The following MTBP variants were observed in gnomAD, a reference collection of about 807,000 sequenced individuals.
MTBP encodes MDM2 binding protein, also known as mdm2-binding protein.
MTBP carries 101 observed loss-of-function variants against 117.0 expected under a neutral mutation model. That is an observed-to-expected ratio of 0.86 (90% CI 0.73 to 1.02). MTBP has a LOEUF of 1.02. Among genes scored for constraint, MTBP ranks in the 50% least tolerant of loss-of-function variants. The pLI is 0.00. For missense variants in MTBP, 970 were observed against 1,030.9 expected, an observed-to-expected ratio of 0.94 and a Z score of 0.81; for synonymous variants, 350 against 351.5, an observed-to-expected ratio of 1.00 and a Z score of 0.05.
At position 120,461,160 on chromosome 8, in the gene MTBP, G is replaced by C. The variant is rs143183029; in HGVS notation, c.883-1G>C. The C allele has an allele frequency of 1.3e-6, 2 of 1,564,210 alleles. No homozygotes were observed. Among genetic ancestry groups the C allele is most frequent in the South Asian group, 1.1e-5 (1 of 89,398 alleles). ...TTACACAATTTTAATTTCTTTTCTA[G>C]GTTTTCCATTATTATGGCCCTGCTT... On this transcript the variant is annotated splice_acceptor_variant, in intron 8 of 21. Coordinates refer to ENST00000305949, the MANE Select transcript of MTBP (RefSeq NM_022045.5). LOFTEE classifies it high-confidence loss of function.
chr8:120,488,142 T>C lies in MTBP; in HGVS notation c.1166-17T>C. On this transcript the variant is annotated splice_polypyrimidine_tract_variant and intron_variant, in intron 11 of 21. Coordinates refer to ENST00000305949, the MANE Select transcript of MTBP (RefSeq NM_022045.5). ...CTGAATTTTCACATACTTAACAAGA[T>C]AATTGTTTTTGTTTAGTTCCAGATG... 1 of 1,570,008 alleles carries C rather than the reference T, an allele frequency of 6.4e-7. No homozygotes were observed. Among genetic ancestry groups the C allele is most frequent in the Middle Eastern group, 1.7e-4 (1 of 5,982 alleles).
At chr8:120,480,473 G>T (rs996000595) in intron 11 of MTBP, among the ~76,000 whole-genome samples, 1 of 151,972 alleles carries the variant, frequency 6.6e-6, no homozygotes, top group African/African-American at 2.4e-5. Context: ...AAAGCAACTA[G>T]AATGGCCAGA....
chr8:120,457,944 T>C lies in MTBP; in HGVS notation c.748-1271T>C, dbSNP rs573249397. On this transcript the variant is annotated intron_variant, in intron 7 of 21. Coordinates refer to ENST00000305949, the MANE Select transcript of MTBP (RefSeq NM_022045.5). ...CTGCGTGACAGAGTGAGACTCCGTCTCAAGAAAAAAAAAAAAAACCCAAAA... is the reference window on the plus strand; with the variant it reads ...CTGCGTGACAGAGTGAGACTCCGTCCCAAGAAAAAAAAAAAAAACCCAAAA... Among the ~76,000 whole-genome samples the C allele has an allele frequency of 2.2e-4, 25 of 111,570 alleles. No homozygotes were observed. In the South Asian group the frequency reaches 6.5e-3, roughly 29 times the overall value. The allele number at this position is 111,570 out of a possible 152,430, so 73.2% of individuals were successfully genotyped here. A position where few individuals can be genotyped will look rare whatever the true frequency, so the allele number is the denominator to read the frequency against.
At chr8:120,477,271 A>G (rs1257163303) in intron 11 of MTBP, among the ~76,000 whole-genome samples, 1 of 152,246 alleles carries the variant, frequency 6.6e-6, no homozygotes, top group Non-Finnish European at 1.5e-5. Context: ...TTAAAGACTT[A>G]CACATAAGAC....
chr8:120,506,757 T>C lies in MTBP; in HGVS notation c.1779T>C (p.Gly593=), dbSNP rs201816784. The part of the protein sequence containing the change: ...SSEQLLGHKE[G]PRDSITLLDA... ...AACAGTTGCTGGGCCACAAAGAGGG[T>C]CCTCGGGACTCAATCACATTGTTGG... Residue 593 remains glycine, a synonymous_variant, in exon 16 of 22, where the codon GGT becomes GGC. Transcript: ENST00000305949. 3.1e-6 allele frequency: 5 copies of C among 1,613,118 alleles called. No individual in the cohort carries two copies. In the South Asian group the frequency reaches 5.5e-5, roughly 18 times the overall value.
intron 6 of MTBP, 126 bp from the exon 7 acceptor site, chr8:120,456,427 A>G (rs1813468747): frequency 3.4e-6 from 2 of 594,578 alleles, no homozygotes; most frequent in Admixed American, 6.2e-5. Context: ...GGTGTTTCAT[A>G]TTAATAGGAA....
chr8:120,483,310 T>C (rs745816723), intron 11 of MTBP, among the ~76,000 whole-genome samples: 188 of 152,236 alleles, frequency 1.2e-3, no homozygotes, highest in Middle Eastern at 3.4e-3. Flanking sequence ...GATGCCTACA[T>C]TGGAAACTAG....
At chr8:120,453,772 T>C in intron 4 of MTBP, 75 bp from the exon 5 acceptor site, 1 of 632,274 alleles carries the variant, frequency 1.6e-6, no homozygotes, top group Non-Finnish European at 2.6e-6. Context: ...ATCTTTTTAG[T>C]TAATATTACC....
chr8:120,457,855 A>G (rs1238669749), intron 7 of MTBP, among the ~76,000 whole-genome samples: 2 of 151,218 alleles, frequency 1.3e-5, no homozygotes, highest in African/African-American at 4.9e-5. Flanking sequence ...ATGAGGCAGG[A>G]GAATGGTGTG....
At chr8:120,518,170 A>G (rs759490149) in intron 19 of MTBP, 70 bp downstream of exon 19, 604 of 1,474,198 alleles carry the variant, frequency 4.1e-4, no homozygotes, top group Non-Finnish European at 5.3e-4. Flanking sequence ...ACTTTAAAAT[A>G]TATGTCTAAA....
intron 20 of MTBP, among the ~76,000 whole-genome samples, chr8:120,522,348 C>T (rs983440854): frequency 6.8e-6 from 1 of 147,948 alleles, no homozygotes; most frequent in Non-Finnish European, 1.5e-5. Context: ...GAGAGTAATG[C>T]AGCATTAGTG....
Position 120,453,423 on chromosome 8 carries a change from C to T in MTBP, c.426-424C>T, listed in dbSNP as rs913596221. 2.0e-5 allele frequency among the ~76,000 whole-genome samples: 3 copies of T among 151,690 alleles called. No individual in the cohort carries two copies. The South Asian group carries it at 6.2e-4, about 31-fold the overall frequency. On this transcript the variant is annotated intron_variant, in intron 4 of 21. Transcript: ENST00000305949. ...GATCATGCCACTGCACTCCAGCCTG[C>T]GTGACAGAGTCAGACCCTGTCTCAA... is the stretch of plus-strand genomic sequence containing the variant.
At position 120,501,171 on chromosome 8, in the gene MTBP, A is replaced by G. The variant is rs553292329; in HGVS notation, c.1610-1321A>G. Among the ~76,000 whole-genome samples the G allele has an allele frequency of 5.4e-4, 65 of 120,926 alleles. No homozygotes were observed. In the South Asian group the frequency reaches 0.02, roughly 38 times the overall value. The allele number at this position is 120,926 out of a possible 152,430, so 79.3% of individuals were successfully genotyped here. A position where few individuals can be genotyped will look rare whatever the true frequency, so the allele number is the denominator to read the frequency against. On this transcript the variant is annotated intron_variant, in intron 14 of 21. Transcript: ENST00000305949. ...GCGCCACTGCACTCCAGCCTGGGTG[A>G]CAGAGTGAAACTCCATCTCAAAAAA...
intron 17 of MTBP, among the ~76,000 whole-genome samples, chr8:120,515,213 A>G (rs950091965): frequency 2.0e-4 from 31 of 152,000 alleles, no homozygotes; most frequent in African/African-American, 7.2e-4. Context: ...ATGCTGTTGT[A>G]GATAAGGAAG....
chr8:120,453,036 A>G (rs1808176023), intron 4 of MTBP, among the ~76,000 whole-genome samples: 1 of 152,188 alleles, frequency 6.6e-6, no homozygotes, highest in African/African-American at 2.4e-5. Flanking sequence ...TATAGATAAA[A>G]CTAATAAGTT....
At chr8:120,494,753 G>C (rs1404531215) in intron 13 of MTBP, among the ~76,000 whole-genome samples, 2 of 152,138 alleles carry the variant, frequency 1.3e-5, no homozygotes, top group African/African-American at 4.8e-5. Flanking sequence ...TGTAATAAAT[G>C]ATGATGATCA....
At chr8:120,511,613 T>C (rs1814811830) in intron 17 of MTBP, among the ~76,000 whole-genome samples, 1 of 152,204 alleles carries the variant, frequency 6.6e-6, no homozygotes, top group Non-Finnish European at 1.5e-5. Flanking sequence ...TACTTTTCAT[T>C]TATACTAAGT....
intron 10 of MTBP, among the ~76,000 whole-genome samples, chr8:120,468,520 G>A (rs1813747309): frequency 6.6e-6 from 1 of 152,182 alleles, no homozygotes; most frequent in Non-Finnish European, 1.5e-5. Flanking sequence ...GCAAAAAGTT[G>A]TTGAGATGCT....
At chr8:120,480,951 G>A (rs1437325872) in intron 11 of MTBP, among the ~76,000 whole-genome samples, 1 of 152,024 alleles carries the variant, frequency 6.6e-6, no homozygotes, top group Admixed American at 6.6e-5. Flanking sequence ...TCTGACAATG[G>A]ACAGATAATA....
Sources: gnomAD v4.1 joint callset for allele counts (sites outside exome capture counted in the v4.1 genomes callset) on GRCh38, gnomAD v4.1.1 for gene constraint, MANE v1.5 for transcripts, NCBI Gene and HGNC (gene_info 2026-07-23, HGNC 2026-07-21) for gene names.